ST7: variants seen among roughly 807,000 people sequenced by gnomAD.
ST7 encodes suppression of tumorigenicity 7.
ST7 carries 28 observed loss-of-function variants against 78.7 expected under a neutral mutation model. The ratio of observed to expected loss-of-function variants is 0.36; its 90% CI spans 0.26 to 0.49. The LOEUF (loss-of-function observed/expected upper bound fraction) is 0.49. Ranked by LOEUF, ST7 falls within the 20% of genes least tolerant of loss-of-function variation. ST7 has a pLI of 0.99. For synonymous variants in ST7, 247 were observed against 249.6 expected (o/e 0.99, Z 0.10); for missense variants, 418 against 696.0 (o/e 0.60, Z 4.49).
chr7:116,959,301 A>C (rs779529575), intron 1 of ST7: 1 of 469,602 alleles, frequency 2.1e-6, no homozygotes, highest in South Asian at 1.6e-5. Context: ...AATTCTAGTT[A>C]TTTTGCTGTT....
intron 9 of ST7, among the ~76,000 whole-genome samples, chr7:117,145,837 G>T (rs150005265): frequency 6.6e-6 from 1 of 152,142 alleles, no homozygotes; most frequent in East Asian, 1.9e-4. Flanking sequence ...GCTATATCAG[G>T]TCAGCTAAAA....
At chr7:117,053,919 C>A (rs1250558588) in intron 1 of ST7, among the ~76,000 whole-genome samples, 2 of 151,808 alleles carry the variant, frequency 1.3e-5, no homozygotes, top group African/African-American at 4.8e-5. Context: ...CTCATTGCAA[C>A]CTCTGCCTCA....
chr7:117,019,852 C>T (rs1452292077), intron 1 of ST7, among the ~76,000 whole-genome samples: 2 of 152,224 alleles, frequency 1.3e-5, no homozygotes, highest in African/African-American at 4.8e-5. Flanking sequence ...ATGAACTCTT[C>T]TGTAATTACT....
At chr7:116,990,228 G>A (rs550747415) in intron 1 of ST7, among the ~76,000 whole-genome samples, 9 of 152,272 alleles carry the variant, frequency 5.9e-5, no homozygotes, top group South Asian at 2.1e-4. Context: ...GAGCCACCAC[G>A]CCCGGCCGGT....
chr7:116,996,133 G>A (rs1257395580), intron 1 of ST7, among the ~76,000 whole-genome samples: 3 of 148,208 alleles, frequency 2.0e-5, no homozygotes, highest in Admixed American at 6.8e-5. Flanking sequence ...CCAGGTTGGA[G>A]TGCAGTGGCA....
chr7:117,094,804 T>G (rs1487872315), intron 1 of ST7, among the ~76,000 whole-genome samples: 1 of 152,076 alleles, frequency 6.6e-6, no homozygotes. Context: ...CCTTCCATTG[T>G]TTTTTTGTTT....
At chr7:117,046,505 C>T (rs543401490) in intron 1 of ST7, among the ~76,000 whole-genome samples, 1 of 152,162 alleles carries the variant, frequency 6.6e-6, no homozygotes, top group South Asian at 2.1e-4. Flanking sequence ...TTTAGCTTCT[C>T]TCAGGGACAT....
chr7:117,047,768 C>T (rs1324032634), intron 1 of ST7, among the ~76,000 whole-genome samples: 1 of 152,018 alleles, frequency 6.6e-6, no homozygotes, highest in Non-Finnish European at 1.5e-5. Context: ...TAGAAATTGG[C>T]CTGAGAGGGC....
intron 1 of ST7, among the ~76,000 whole-genome samples, chr7:117,086,617 G>C (rs1289689266): frequency 6.6e-6 from 1 of 152,106 alleles, no homozygotes; most frequent in Non-Finnish European, 1.5e-5. Flanking sequence ...AATTTAGCTT[G>C]AGATTTGTTT....
At chr7:117,107,769 A>G (rs1584681657) in intron 2 of ST7, among the ~76,000 whole-genome samples, 1 of 151,418 alleles carries the variant, frequency 6.6e-6, no homozygotes, top group East Asian at 1.9e-4. Context: ...ATGTGCCACC[A>G]TGCCTGGCTA....
chr7:117,170,548 G>A (rs964572548), intron 9 of ST7, among the ~76,000 whole-genome samples: 3 of 152,118 alleles, frequency 2.0e-5, no homozygotes, highest in South Asian at 2.1e-4. Flanking sequence ...GGGCATGGTA[G>A]CATGTGCCTG....
At chr7:117,024,173 T>C (rs558991593) in intron 1 of ST7, among the ~76,000 whole-genome samples, 75 of 152,200 alleles carry the variant, frequency 4.9e-4, no homozygotes, top group Non-Finnish European at 8.4e-4. Flanking sequence ...ACAATTTTTC[T>C]CTTAAAATTT....
intron 12 of ST7, among the ~76,000 whole-genome samples, chr7:117,203,672 C>T (rs1366798531): frequency 6.6e-6 from 1 of 152,196 alleles, no homozygotes; most frequent in Non-Finnish European, 1.5e-5. Flanking sequence ...ATACATCTTA[C>T]TAAGGTACTT....
At chr7:117,160,625 A>G (rs1464307183) in intron 9 of ST7, among the ~76,000 whole-genome samples, 1 of 151,754 alleles carries the variant, frequency 6.6e-6, no homozygotes, top group Non-Finnish European at 1.5e-5. Flanking sequence ...TATATTACAT[A>G]TACACATACA....
At chr7:117,018,076 G>T (rs1795701208) in intron 1 of ST7, among the ~76,000 whole-genome samples, 1 of 152,108 alleles carries the variant, frequency 6.6e-6, no homozygotes, top group African/African-American at 2.4e-5. Flanking sequence ...ACCCTCTCAT[G>T]TATGAGCCAA....
chr7:117,196,973 A>G (rs997473490), intron 12 of ST7, among the ~76,000 whole-genome samples: 3 of 152,102 alleles, frequency 2.0e-5, no homozygotes, highest in Admixed American at 6.6e-5. Context: ...GTATGGTGTA[A>G]GATAAGAGTT....
chr7:117,106,494 G>T (rs1298948249), intron 2 of ST7, among the ~76,000 whole-genome samples: 1 of 151,778 alleles, frequency 6.6e-6, no homozygotes, highest in African/African-American at 2.4e-5. Context: ...CTATTTCTGA[G>T]ATTTTCGTGC....
At chr7:116,972,473 T>G (rs951071511) in intron 1 of ST7, 1 of 834,372 alleles carries the variant, frequency 1.2e-6, no homozygotes, top group Non-Finnish European at 2.0e-6. Flanking sequence ...GCCAGCTCAG[T>G]TTGTTCCTCT....
At chr7:117,194,926 G>A (rs181640742) in intron 12 of ST7, among the ~76,000 whole-genome samples, 113 of 152,294 alleles carry the variant, frequency 7.4e-4, no homozygotes, top group Non-Finnish European at 1.3e-3. Flanking sequence ...CTTTCACTGC[G>A]AGGAGACACA....
Sources: allele counts gnomAD v4.1 joint callset (sites outside exome capture counted in the v4.1 genomes callset), GRCh38; gene constraint gnomAD v4.1.1; transcripts MANE v1.5; gene names NCBI Gene and HGNC (gene_info 2026-07-23, HGNC 2026-07-21).